Variants in FAM193A observed in about 807,000 individuals in gnomAD.
FAM193A encodes the protein protein FAM193A.
Under a neutral mutation model 126.5 loss-of-function variants are expected in FAM193A, and 22 were observed. The ratio of observed to expected loss-of-function variants is 0.17; its 90% CI spans 0.12 to 0.25. FAM193A has a LOEUF of 0.25. Among genes scored for constraint, FAM193A ranks in the 10% least tolerant of loss-of-function variants. The pLI is 1.00. For missense variants in FAM193A, 1,675 were observed against 1,672.8 expected (o/e 1.00, Z -0.02); for synonymous variants, 761 against 646.8 (o/e 1.18, Z -2.68).
At chr4:2,576,847 G>C (rs1739615790) in intron 1 of FAM193A, among the ~76,000 whole-genome samples, 1 of 152,204 alleles carries the variant, frequency 6.6e-6, no homozygotes, top group Non-Finnish European at 1.5e-5. Flanking sequence ...AAAGGCAAAG[G>C]CCTTGTTCAG....
chr4:2,658,802 G>A (rs1712031883), intron 8 of FAM193A, among the ~76,000 whole-genome samples: 1 of 152,206 alleles, frequency 6.6e-6, no homozygotes, highest in Non-Finnish European at 1.5e-5. Flanking sequence ...CCAGGCTGAA[G>A]TGCAGTGGCG....
intron 20 of FAM193A, among the ~76,000 whole-genome samples, chr4:2,729,965 G>A (rs1187241159): frequency 2.6e-5 from 4 of 151,988 alleles, no homozygotes; most frequent in Non-Finnish European, 5.9e-5. Context: ...GAGTGCGGGG[G>A]CACCATCACA....
chr4:2,574,116 C>G (rs1212689211), intron 1 of FAM193A, among the ~76,000 whole-genome samples: 1 of 151,998 alleles, frequency 6.6e-6, no homozygotes, highest in African/African-American at 2.4e-5. Flanking sequence ...AAGAGATCCT[C>G]CAGATGTCTC....
At chr4:2,717,598 GAAAAA>G (rs571958608) in intron 20 of FAM193A, among the ~76,000 whole-genome samples, 1 of 115,386 alleles carries the variant, frequency 8.7e-6, no homozygotes, top group African/African-American at 3.4e-5. Flanking sequence ...TTTGTCTCAG[GAAAAA>G]AAAAAAAAAA....
intron 1 of FAM193A, among the ~76,000 whole-genome samples, chr4:2,594,795 GTTTC>G (rs1160599237): frequency 3.9e-5 from 4 of 103,820 alleles, no homozygotes; most frequent in South Asian, 6.3e-4. Flanking sequence ...GTGAGACTCA[GTTTC>G]TTTCTTTTTC....
chr4:2,605,496 T>C (rs926102748), intron 2 of FAM193A, among the ~76,000 whole-genome samples: 2 of 152,212 alleles, frequency 1.3e-5, no homozygotes, highest in African/African-American at 4.8e-5. Context: ...CCATCCTCCT[T>C]TGTGAACATG....
In FAM193A at chr4:2,631,078, C is replaced by T. The variant is rs141509573; in HGVS notation, c.947C>T (p.Pro316Leu). The change falls in exon 5 of 21, where the codon CCG becomes CTG. Residue 316 changes from proline (P) to leucine (L), a missense_variant. Around this residue, in one of 4 missense-constraint regions of FAM193A, gnomAD observed 1,186 missense variants for 1,109.2 expected, o/e 1.07. Coordinates refer to ENST00000637812, the MANE Select transcript of FAM193A (RefSeq NM_001366318.2). ...GCACCATCTGGCCTGCAGGGCCCGC[C>T]GCAAGCGCACCAGTTCATCTCCCTC... ...VKAPSGLQGP[P>L]QAHQFISLLL... is the part of the protein sequence containing the mutation. The T allele has an allele frequency of 9.7e-5, 156 of 1,613,848 alleles. No homozygotes were observed. The highest frequency in any genetic ancestry group is 8.4e-4 in the African/African-American group (63 of 75,062).
chr4:2,571,546 CT>C (rs879357991), intron 1 of FAM193A, among the ~76,000 whole-genome samples: 147 of 145,582 alleles, frequency 1.0e-3, no homozygotes, highest in Admixed American at 1.4e-3. Flanking sequence ...TAGAGCAGAA[CT>C]TTTTTTTTTT....
chr4:2,723,245 G>T (rs1720357309), intron 20 of FAM193A, among the ~76,000 whole-genome samples: 1 of 152,060 alleles, frequency 6.6e-6, no homozygotes, highest in South Asian at 2.1e-4. Context: ...CTGCACTCCA[G>T]CCTGGGCAAC....
chr4:2,732,014 T>C lies in FAM193A; in HGVS notation c.*146T>C. 1 of 698,638 alleles carries C rather than the reference T, an allele frequency of 1.4e-6. No homozygotes were observed. The highest frequency in any genetic ancestry group is 2.6e-6 in the Non-Finnish European group (1 of 389,424). The allele number at this position is 698,638 out of a possible 1,614,324, so 43.3% of individuals were successfully genotyped here. On this transcript the variant is annotated 3_prime_UTR_variant, in exon 21 of 21. Coordinates refer to ENST00000637812, the MANE Select transcript of FAM193A (RefSeq NM_001366318.2). ...CTGCCTGAAACCCCAGACCGAGAAGTTGATGCTCGGCCCACGCCGTTAGCT... is the reference window on the plus strand; with the variant it reads ...CTGCCTGAAACCCCAGACCGAGAAGCTGATGCTCGGCCCACGCCGTTAGCT...
chr4:2,730,346 T>TTA (rs1416474072), intron 20 of FAM193A, among the ~76,000 whole-genome samples: 3 of 152,172 alleles, frequency 2.0e-5, no homozygotes, highest in Non-Finnish European at 4.4e-5. Context: ...TAGAAGCTGA[T>TTA]ATTTAGGATA....
intron 1 of FAM193A, among the ~76,000 whole-genome samples, chr4:2,568,973 C>CTTTTTTGTT (rs1739129004): frequency 1.1e-5 from 1 of 90,720 alleles, no homozygotes; most frequent in Non-Finnish European, 1.9e-5. Context: ...TGTTGTTTTG[C>CTTTTTTGTT]TTTTTTTTTT....
At chr4:2,708,502 G>T (rs750257746) in intron 19 of FAM193A, among the ~76,000 whole-genome samples, 2 of 150,348 alleles carry the variant, frequency 1.3e-5, no homozygotes, top group African/African-American at 4.9e-5. Flanking sequence ...CATTCTTGTC[G>T]CCCAGGCTGG....
intron 2 of FAM193A, among the ~76,000 whole-genome samples, chr4:2,596,728 C>T (rs1176521847): frequency 7.6e-6 from 1 of 131,408 alleles, no homozygotes; most frequent in Admixed American, 7.2e-5. Context: ...CTTATTTGTG[C>T]TGCTTCAGCC....
At position 2,646,159 on chromosome 4, in the gene FAM193A, C is replaced by CTTTTTTTTTTTTTTTTTTTTTTTTTTT; in HGVS notation, c.1164-524_1164-498dup. ...AAGCTGTTGTTTCTTTGAGCATCTC[C>CTTTTTTTTTTTTTTTTTTTTTTTTTTT]TTTTTTTTTTTTTTTTTTTTTTTTT... On this transcript the variant is annotated intron_variant, in intron 6 of 20. Coordinates refer to ENST00000637812, the MANE Select transcript of FAM193A (RefSeq NM_001366318.2). Among the ~76,000 whole-genome samples the CTTTTTTTTTTTTTTTTTTTTTTTTTTT allele has an allele frequency of 2.9e-5, 2 of 69,094 alleles. 1 individual carries two copies. The highest frequency in any genetic ancestry group is 5.2e-5 in the Non-Finnish European group (2 of 38,372). The allele number at this position is 69,094 out of a possible 152,430, so 45.3% of individuals were successfully genotyped here. A position where few individuals can be genotyped will look rare whatever the true frequency, so the allele number is the denominator to read the frequency against.
chr4:2,613,753 CTT>C (rs71634683), intron 2 of FAM193A, among the ~76,000 whole-genome samples: 96 of 132,406 alleles, frequency 7.3e-4, no homozygotes, highest in Admixed American at 2.4e-3. Context: ...CATACCTGGC[CTT>C]TTTTTTTTTT....
chr4:2,725,390 C>T (rs985502426), intron 20 of FAM193A, among the ~76,000 whole-genome samples: 4 of 134,586 alleles, frequency 3.0e-5, no homozygotes, highest in African/African-American at 5.8e-5. Flanking sequence ...GTCGAGGTTG[C>T]AGTGAGCTGT....
chr4:2,729,224 G>GT (rs1435774604), intron 20 of FAM193A, among the ~76,000 whole-genome samples: 2 of 152,178 alleles, frequency 1.3e-5, no homozygotes, highest in Non-Finnish European at 2.9e-5. Flanking sequence ...GAATGGTGGA[G>GT]TTTAACTGGT....
chr4:2,717,794 C>T (rs900493268), intron 20 of FAM193A, among the ~76,000 whole-genome samples: 1 of 150,594 alleles, frequency 6.6e-6, no homozygotes, highest in Admixed American at 6.6e-5. Context: ...GCTGGGATTA[C>T]AGGCGCCTGC....
Sources: allele counts gnomAD v4.1 joint callset (sites outside exome capture counted in the v4.1 genomes callset), GRCh38; gene constraint gnomAD v4.1.1; regional missense constraint gnomAD v4.1.1; transcripts MANE v1.5; gene names NCBI Gene and HGNC (gene_info 2026-07-23, HGNC 2026-07-21).